The following USH1C variants were observed in gnomAD, a reference collection of about 807,000 sequenced individuals.
The protein encoded by USH1C is USH1 protein network component harmonin.
Under a neutral mutation model 119.3 loss-of-function variants are expected in USH1C, and 90 were observed. The observed-to-expected ratio is 0.75, with a 90% CI of 0.64 to 0.90. The LOEUF is 0.90. Ranked by LOEUF, USH1C falls within the 40% of genes least tolerant of loss-of-function variation. USH1C has a pLI of 0.00. For synonymous variants in USH1C, 465 were observed against 443.3 expected, an observed-to-expected ratio of 1.05 and a Z score of -0.62; for missense variants, 1,165 against 1,167.7, an observed-to-expected ratio of 1.00 and a Z score of 0.03.
At chr11:17,499,790 G>T (rs188089658) in intron 23 of USH1C, among the ~76,000 whole-genome samples, 52 of 152,326 alleles carry the variant, frequency 3.4e-4, no homozygotes, top group Admixed American at 3.0e-3. Context: ...AACCCACAGA[G>T]GTCTGGTTGC....
intron 16 of USH1C, 38 bp from the exon 17 acceptor site, chr11:17,510,559 G>A: frequency 6.9e-7 from 1 of 1,456,840 alleles, no homozygotes; most frequent in Non-Finnish European, 9.6e-7. Flanking sequence ...AGAGGACAAA[G>A]GGCACATTTG....
chr11:17,533,924 G>T (rs1851114785), intron 1 of USH1C: 3 of 312,842 alleles, frequency 9.6e-6, no homozygotes, highest in Non-Finnish European at 2.0e-5. Context: ...CCCTCCCCAG[G>T]CCCCTGCACA....
At chr11:17,541,856 C>T (rs113190577) in intron 1 of USH1C, among the ~76,000 whole-genome samples, 2,106 of 152,324 alleles carry the variant, frequency 0.014, 52 homozygotes, top group African/African-American at 0.048. Context: ...TTAGTTTTGA[C>T]TGTCTTGTGA....
chr11:17,526,873 C>T (rs888387840), intron 6 of USH1C, 63 bp from the exon 7 acceptor site: 51 of 1,597,550 alleles, frequency 3.2e-5, no homozygotes, highest in Non-Finnish European at 4.1e-5. Context: ...AACCAGGCCC[C>T]ACATCCAGAT....
chr11:17,533,873 C>T (rs575314246), intron 1 of USH1C: 37 of 404,530 alleles, frequency 9.1e-5, no homozygotes, highest in African/African-American at 7.3e-4. Context: ...CTGACCTTAG[C>T]TGGGTTCTGT....
At chr11:17,532,299 TTTATTA>T (rs1295407837) in intron 2 of USH1C, among the ~76,000 whole-genome samples, 1 of 152,170 alleles carries the variant, frequency 6.6e-6, no homozygotes, top group Non-Finnish European at 1.5e-5. Context: ...ATCTTTTTCT[TTTATTA>T]TTATTTTTTT....
chr11:17,507,701 T>C (rs1276260361), intron 18 of USH1C, among the ~76,000 whole-genome samples: 1 of 152,226 alleles, frequency 6.6e-6, no homozygotes, highest in East Asian at 1.9e-4. Context: ...TGAAGTAGCA[T>C]GTGTTCAGTT....
intron 25 of USH1C, among the ~76,000 whole-genome samples, chr11:17,496,149 G>A (rs58158338): frequency 0.11 from 16,749 of 151,282 alleles, 1,146 homozygotes; most frequent in East Asian, 0.31. Context: ...AAGGAGGGGG[G>A]CAGATAAGAT....
chr11:17,517,608 GAC>G, intron 14 of USH1C: 3 of 863,046 alleles, frequency 3.5e-6, no homozygotes, highest in Non-Finnish European at 5.6e-6. Context: ...AGGGGCAGGG[GAC>G]AGAGTTCAGG....
intron 17 of USH1C, among the ~76,000 whole-genome samples, 200 bp from the exon 18 acceptor site, chr11:17,510,038 CA>C (rs1849820950): frequency 6.6e-6 from 1 of 152,148 alleles, no homozygotes; most frequent in Admixed American, 6.5e-5. Context: ...AGGGAGTGCC[CA>C]AATGCAGAAG....
chr11:17,504,718 A>G (rs1174576843), intron 19 of USH1C, 21 bp from the exon 20 acceptor site: 5 of 1,613,310 alleles, frequency 3.1e-6, no homozygotes, highest in Non-Finnish European at 4.2e-6. Flanking sequence ...AAAAAAAAAA[A>G]AGTTCCACAT....
At chr11:17,504,143 G>A (rs1018093142) in intron 20 of USH1C, among the ~76,000 whole-genome samples, 5 of 152,136 alleles carry the variant, frequency 3.3e-5, no homozygotes, top group Admixed American at 1.3e-4. Flanking sequence ...GGACTTCCAC[G>A]TCCCTGTGCA....
chr11:17,523,797 T>G (rs184501781), intron 9 of USH1C, among the ~76,000 whole-genome samples: 1 of 152,380 alleles, frequency 6.6e-6, no homozygotes, highest in East Asian at 1.9e-4. Context: ...CCTTTGAGCT[T>G]CTCATTTAGC....
chr11:17,510,169 C>A (rs1158579784), intron 17 of USH1C, among the ~76,000 whole-genome samples: 1 of 152,194 alleles, frequency 6.6e-6, no homozygotes, highest in African/African-American at 2.4e-5. Flanking sequence ...ACAGGCCTAA[C>A]TGAGACTATC....
intron 16 of USH1C, 139 bp from the exon 17 acceptor site, chr11:17,510,660 G>A: frequency 1.4e-6 from 1 of 727,510 alleles, no homozygotes; most frequent in South Asian, 1.5e-5. Flanking sequence ...AGAGACCTGG[G>A]CTTGTTCCAA....
In USH1C at chr11:17,510,605, C is replaced by G. The variant is rs936282626; in HGVS notation, c.1414-84G>C. On this transcript the variant is annotated intron_variant, in intron 16 of 26. Transcript: ENST00000005226. ...GGATAGAAATAGCATGAAAGCACTC[C>G]TTTAGAAACTCCAGAGTACTGTGAG... 37 of 1,022,440 alleles carry G rather than the reference C, an allele frequency of 3.6e-5. No individual in the cohort carries two copies. The East Asian group carries it at 8.6e-4, about 24-fold the overall frequency. 63.3% of individuals were successfully genotyped at this position (1,022,440 alleles called of 1,614,324 possible). A position where few individuals can be genotyped will look rare whatever the true frequency, so the allele number is the denominator to read the frequency against.
chr11:17,544,124 C>A, intron 1 of USH1C, 148 bp downstream of exon 1: 1 of 1,000,416 alleles, frequency 1.0e-6, no homozygotes. Flanking sequence ...TCCCTGCTGC[C>A]AGCCAGACGA....
intron 1 of USH1C, among the ~76,000 whole-genome samples, chr11:17,536,511 G>C (rs904687354): frequency 1.3e-5 from 2 of 152,162 alleles, no homozygotes; most frequent in African/African-American, 4.8e-5. Flanking sequence ...TGGTGGAAAG[G>C]AGCCTGTCCC....
In USH1C at chr11:17,494,337, G is replaced by C. The variant is rs757572697; in HGVS notation, c.2695C>G (p.Arg899Gly). The change falls in exon 27 of 27, where the codon CGT (arginine) becomes GGT (glycine). Residue 899 changes from arginine to glycine, a missense_variant. Transcript: ENST00000005226. ...LKSKRGNQIH[R>G] The stretch of plus-strand genomic sequence containing the variant: ...GGGCCGGAGCTCACTGTTTCCTAAC[G>C]GTGAATTTGGTTTCCCCTTTTGGAC... The C allele has an allele frequency of 8.7e-6, 14 of 1,607,562 alleles. No homozygotes were observed. Among genetic ancestry groups the C allele is most frequent in the Non-Finnish European group, 1.2e-5 (14 of 1,176,992 alleles).
Sources: gnomAD v4.1 joint callset for allele counts (sites outside exome capture counted in the v4.1 genomes callset) on GRCh38, gnomAD v4.1.1 for gene constraint, MANE v1.5 for transcripts, NCBI Gene and HGNC (gene_info 2026-07-23, HGNC 2026-07-21) for gene names.